PACS1: variants seen among roughly 807,000 people sequenced by gnomAD.
The protein encoded by PACS1 is phosphofurin acidic cluster sorting protein 1.
PACS1 carries 24 observed loss-of-function variants against 115.0 expected under a neutral mutation model. The observed-to-expected ratio is 0.21, with a 90% CI of 0.15 to 0.29. The LOEUF is 0.29. PACS1 is among the 10% of genes least tolerant of loss of function. PACS1 has a pLI of 1.00. For missense variants in PACS1, 838 were observed against 1,251.2 expected, an observed-to-expected ratio of 0.67 and a Z score of 4.98; for synonymous variants, 453 against 504.5, an observed-to-expected ratio of 0.90 and a Z score of 1.37.
At chr11:66,213,366 C>T (rs945862567) in intron 4 of PACS1, among the ~76,000 whole-genome samples, 1 of 152,226 alleles carries the variant, frequency 6.6e-6, no homozygotes, top group Non-Finnish European at 1.5e-5. Context: ...TTCGTTACAT[C>T]CTACCGTACT....
intron 1 of PACS1, among the ~76,000 whole-genome samples, chr11:66,167,228 C>T (rs184113768): frequency 1.3e-5 from 2 of 150,254 alleles, no homozygotes; most frequent in East Asian, 1.9e-4. Flanking sequence ...GTCTTTTGCC[C>T]ACTTTTCCAT....
At chr11:66,108,973 A>G (rs566221534) in intron 1 of PACS1, among the ~76,000 whole-genome samples, 12 of 152,290 alleles carry the variant, frequency 7.9e-5, no homozygotes, top group African/African-American at 2.9e-4. Context: ...CCCTGTCTCT[A>G]AAAACAAAAC....
At chr11:66,237,678 G>C (rs1248964420) in intron 19 of PACS1, among the ~76,000 whole-genome samples, 1 of 152,200 alleles carries the variant, frequency 6.6e-6, no homozygotes, top group Non-Finnish European at 1.5e-5. Context: ...TCGTGGAGCT[G>C]TGAGTTGCTG....
intron 1 of PACS1, among the ~76,000 whole-genome samples, chr11:66,104,275 A>C (rs1402091361): frequency 6.6e-6 from 1 of 152,172 alleles, no homozygotes; most frequent in Non-Finnish European, 1.5e-5. Context: ...GAAATTGCAA[A>C]TGTCAGTCAC....
At chr11:66,097,402 G>A (rs1857809907) in intron 1 of PACS1, among the ~76,000 whole-genome samples, 1 of 152,148 alleles carries the variant, frequency 6.6e-6, no homozygotes, top group African/African-American at 2.4e-5. Flanking sequence ...GGAGCTCAGG[G>A]CAGCTTCAAA....
At chr11:66,092,380 T>C (rs184903896) in intron 1 of PACS1, among the ~76,000 whole-genome samples, 3 of 152,292 alleles carry the variant, frequency 2.0e-5, no homozygotes, top group African/African-American at 4.8e-5. Flanking sequence ...TTGGTTTTTT[T>C]CTTGTAAATT....
intron 1 of PACS1, among the ~76,000 whole-genome samples, chr11:66,166,139 T>TTTTGTTTGTTTG (rs4013919): frequency 6.6e-6 from 1 of 150,950 alleles, no homozygotes; most frequent in African/African-American, 2.4e-5. Context: ...CCTCACATCT[T>TTTTGTTTGTTTG]TTTGTTTGTT....
Position 66,235,890 on chromosome 11 carries a change from C to T in PACS1, c.2208-8C>T. 1 of 1,613,006 alleles carries T rather than the reference C, an allele frequency of 6.2e-7. No homozygotes were observed. ...CTAACTATGAAGCTCTCCTGTGTCT[C>T]CCAACAGCCCTGATGAAGACTCCTA... On this transcript the variant is annotated splice_region_variant and splice_polypyrimidine_tract_variant and intron_variant, in intron 18 of 23. Coordinates refer to ENST00000320580, the MANE Select transcript of PACS1 (RefSeq NM_018026.4). This position sits in a 1 kb window ranked among gnomAD's most constrained non-coding sequence, Gnocchi z 5.6.
chr11:66,145,365 G>A (rs1424259280), intron 1 of PACS1, among the ~76,000 whole-genome samples: 1 of 152,120 alleles, frequency 6.6e-6, no homozygotes, highest in Non-Finnish European at 1.5e-5. Flanking sequence ...ATTTGGAGCA[G>A]GTGAAAAGCC....
intron 17 of PACS1, 60 bp downstream of exon 17, chr11:66,234,302 C>A: frequency 8.9e-7 from 1 of 1,123,644 alleles, no homozygotes; most frequent in Non-Finnish European, 1.4e-6. Flanking sequence ...GCCAGCCTGG[C>A]TGCAGAAGGA....
chr11:66,217,558 C>A (rs1855243217), intron 7 of PACS1: 1 of 456,148 alleles, frequency 2.2e-6, no homozygotes, highest in Non-Finnish European at 4.4e-6. Flanking sequence ...CCCACCCCTT[C>A]AGGGATGAAA....
intron 1 of PACS1, among the ~76,000 whole-genome samples, chr11:66,085,614 G>A (rs1857553838): frequency 6.6e-6 from 1 of 152,134 alleles, no homozygotes; most frequent in African/African-American, 2.4e-5. Context: ...TAAAAGAATA[G>A]TTACCAAGTT....
intron 1 of PACS1, among the ~76,000 whole-genome samples, chr11:66,075,579 C>T (rs757104262): frequency 6.6e-6 from 1 of 152,132 alleles, no homozygotes; most frequent in Non-Finnish European, 1.5e-5. Flanking sequence ...AATACTTTTA[C>T]TTACCATCCA....
chr11:66,109,934 G>T (rs2134543894), intron 1 of PACS1, among the ~76,000 whole-genome samples: 1 of 152,300 alleles, frequency 6.6e-6, no homozygotes. Context: ...GCAGTATTTT[G>T]TGAAGTTCTT....
At chr11:66,241,345 G>A in intron 21 of PACS1, 82 bp from the exon 22 acceptor site, 1 of 1,078,170 alleles carries the variant, frequency 9.3e-7, no homozygotes, top group Non-Finnish European at 1.3e-6. Context: ...CCCGGGGACT[G>A]GCATGGCCCC....
chr11:66,093,091 A>T (rs1333044338), intron 1 of PACS1, among the ~76,000 whole-genome samples: 1 of 151,656 alleles, frequency 6.6e-6, no homozygotes, highest in Admixed American at 6.6e-5. Flanking sequence ...CATTGAATCT[A>T]TAAATTACCT....
intron 1 of PACS1, among the ~76,000 whole-genome samples, chr11:66,100,323 A>G (rs556747372): frequency 1.3e-5 from 2 of 152,202 alleles, no homozygotes; most frequent in South Asian, 2.1e-4. Flanking sequence ...CCTGGCTTTC[A>G]CTATTCTCAG....
intron 1 of PACS1, among the ~76,000 whole-genome samples, chr11:66,171,206 G>C (rs1052307563): frequency 6.7e-6 from 1 of 149,884 alleles, no homozygotes; most frequent in Non-Finnish European, 1.5e-5. Flanking sequence ...AGTTTATATA[G>C]GTCTAGAATT....
intron 7 of PACS1, chr11:66,218,281 A>T (rs917373770): frequency 6.6e-6 from 1 of 152,222 alleles, no homozygotes; most frequent in Non-Finnish European, 1.5e-5. Flanking sequence ...CAGGAAGTAC[A>T]TACAACCACA....
Sources: gnomAD v4.1 joint callset for allele counts (sites outside exome capture counted in the v4.1 genomes callset) on GRCh38, gnomAD v4.1.1 for gene constraint, Gnocchi (gnomAD v3.1) non-coding constraint, MANE v1.5 for transcripts, NCBI Gene and HGNC (gene_info 2026-07-23, HGNC 2026-07-21) for gene names.